The following MACF1 variants were observed in gnomAD, a reference collection of about 807,000 sequenced individuals.
The protein encoded by MACF1 is microtubule actin crosslinking factor 1.
MACF1 carries 193 observed loss-of-function variants against 854.8 expected under a neutral mutation model. That is an observed-to-expected ratio of 0.23 (90% confidence interval 0.20 to 0.25). MACF1 has a LOEUF of 0.25. Among genes scored for constraint, MACF1 ranks in the 10% least tolerant of loss-of-function variants. The pLI is 1.00. For synonymous variants in MACF1, 3,185 were observed against 3,226.7 expected (o/e 0.99, Z 0.44); for missense variants, 7,722 against 8,929.1 (o/e 0.86, Z 5.45).
In MACF1 at chr1:39,328,210, A is replaced by G. The variant is rs554226345; in HGVS notation, c.4614+857A>G. Among the ~76,000 whole-genome samples, 17 of 152,342 alleles carry G rather than the reference A, an allele frequency of 1.1e-4. No homozygotes were observed. The East Asian group carries it at 1.7e-3, about 16-fold the overall frequency. ...TAAAAACCACAAGACAAAACCAGCT[A>G]TGATTTGATGGTGTATTTCCAAAAA... On this transcript the variant is annotated intron_variant, in intron 36 of 100. Transcript: ENST00000564288.
intron 26 of MACF1, among the ~76,000 whole-genome samples, chr1:39,312,828 A>G (rs1050640014): frequency 6.6e-6 from 1 of 152,174 alleles, no homozygotes; most frequent in Non-Finnish European, 1.5e-5. Flanking sequence ...GTCTCAAGCA[A>G]ACAAACAAAC....
chr1:39,351,169 G>A, intron 43 of MACF1, 151 bp downstream of exon 43: 1 of 589,478 alleles, frequency 1.7e-6, no homozygotes, highest in Non-Finnish European at 2.9e-6. Flanking sequence ...TTTGTTTTTT[G>A]AGACGGAATC....
chr1:39,472,668 C>G (rs1009412042), intron 97 of MACF1, among the ~76,000 whole-genome samples: 2 of 152,126 alleles, frequency 1.3e-5, no homozygotes, highest in African/African-American at 2.4e-5. Flanking sequence ...CTAATATTAG[C>G]TAGGCATGGC....
intron 58 of MACF1, among the ~76,000 whole-genome samples, chr1:39,406,860 A>C (rs951246104): frequency 6.6e-6 from 1 of 151,992 alleles, no homozygotes; most frequent in East Asian, 1.9e-4. Context: ...GTCTGTTATG[A>C]TATCTGAACA....
chr1:39,232,153 T>C (rs989099922), intron 2 of MACF1, among the ~76,000 whole-genome samples: 2 of 149,110 alleles, frequency 1.3e-5, no homozygotes, highest in Non-Finnish European at 3.0e-5. Flanking sequence ...TATTATGGTA[T>C]TATTATTTTA....
chr1:39,292,704 C>A, intron 16 of MACF1, 62 bp from the exon 17 acceptor site: 2 of 1,188,450 alleles, frequency 1.7e-6, no homozygotes, highest in Non-Finnish European at 2.4e-6. Context: ...TAGTTGCAAC[C>A]ATAACACGTA....
intron 18 of MACF1, 106 bp from the exon 19 acceptor site, chr1:39,294,940 T>A (rs1645869629): frequency 1.3e-6 from 1 of 762,498 alleles, no homozygotes; most frequent in Non-Finnish European, 2.2e-6. Flanking sequence ...TTGCCACCAA[T>A]TCTATATTGT....
chr1:39,470,144 C>G (rs1644749046), intron 97 of MACF1, among the ~76,000 whole-genome samples: 2 of 152,166 alleles, frequency 1.3e-5, no homozygotes, highest in Non-Finnish European at 1.5e-5. Context: ...ATAAACCTAG[C>G]AGAAATGTTT....
intron 2 of MACF1, among the ~76,000 whole-genome samples, chr1:39,154,665 A>G (rs1643647590): frequency 6.6e-6 from 1 of 152,032 alleles, no homozygotes; most frequent in Admixed American, 6.5e-5. Flanking sequence ...GCCCTGTTTC[A>G]GGAGCAGTAT....
intron 6 of MACF1, among the ~76,000 whole-genome samples, chr1:39,278,352 A>G (rs1645477322): frequency 6.6e-6 from 1 of 152,216 alleles, no homozygotes; most frequent in African/African-American, 2.4e-5. Flanking sequence ...CCTAATCCAA[A>G]CAGGTATTTT....
intron 2 of MACF1, among the ~76,000 whole-genome samples, chr1:39,125,045 TGTC>T (rs1221155270): frequency 3.9e-5 from 6 of 152,250 alleles, no homozygotes; most frequent in African/African-American, 4.8e-5. Context: ...TCAAGTCACT[TGTC>T]GTCTTTGGGC....
intron 99 of MACF1, among the ~76,000 whole-genome samples, chr1:39,483,369 C>T (rs1356325892): frequency 6.6e-6 from 1 of 152,128 alleles, no homozygotes. Flanking sequence ...AGTAGTGAGA[C>T]AAGACCTCTC....
chr1:39,458,226 T>C (rs1462196894), intron 89 of MACF1, 144 bp from the exon 90 acceptor site: 6 of 674,846 alleles, frequency 8.9e-6, no homozygotes, highest in Non-Finnish European at 2.5e-6. Flanking sequence ...ACTACATCCC[T>C]CAGTAACTCA....
intron 15 of MACF1, among the ~76,000 whole-genome samples, chr1:39,290,599 T>G (rs1645756467): frequency 2.2e-3 from 1 of 452 alleles, no homozygotes; most frequent in African/African-American, 3.3e-3. Context: ...GTAAATCTGT[T>G]TTTTTTTTTT....
intron 58 of MACF1, chr1:39,414,025 C>T: frequency 6.2e-7 from 1 of 1,604,726 alleles, no homozygotes; most frequent in Non-Finnish European, 8.5e-7. Context: ...CCTAGAGGAA[C>T]CCACCTCCTC....
Position 39,452,198 on chromosome 1 carries a change from G to A in MACF1, c.20461G>A (p.Val6821Ile). The change falls in exon 86 of 101, where the codon GTC becomes ATC. Residue 6821 changes from valine (V) to isoleucine (I), a missense_variant. Physicochemically the swap from Val to Ile is conservative, Grantham distance 29 (BLOSUM62 3). This residue lies in a region of MACF1 where 729 missense variants were observed against 900.5 expected (regional missense o/e 0.81). Coordinates refer to ENST00000564288, the MANE Select transcript of MACF1 (RefSeq NM_001394062.1). ...GGGAAAGCGAACAGGAACCGTTCAGGTCCTGAAGCGGTCAGGCCGAGAGCT... is the reference window on the plus strand; with the variant it reads ...GGGAAAGCGAACAGGAACCGTTCAGATCCTGAAGCGGTCAGGCCGAGAGCT... Reference protein sequence around the residue: ...ELGKRTGTVQVLKRSGRELIE... With the variant: ...ELGKRTGTVQILKRSGRELIE... 3 of 1,613,992 alleles carry A rather than the reference G, an allele frequency of 1.9e-6. No individual in the cohort carries two copies. Among genetic ancestry groups the A allele is most frequent in the Middle Eastern group, 1.7e-4 (1 of 6,058 alleles).
At chr1:39,183,361 C>T (rs1319343736) in intron 2 of MACF1, among the ~76,000 whole-genome samples, 1 of 152,128 alleles carries the variant, frequency 6.6e-6, no homozygotes, top group Non-Finnish European at 1.5e-5. Context: ...TTAACCAAAT[C>T]TCAGTGAAGC....
chr1:39,185,664 T>A (rs560986650), intron 2 of MACF1, among the ~76,000 whole-genome samples: 1 of 152,338 alleles, frequency 6.6e-6, no homozygotes, highest in South Asian at 2.1e-4. Context: ...TCATGAGTTT[T>A]GTTTTTAGAC....
intron 2 of MACF1, among the ~76,000 whole-genome samples, chr1:39,194,346 CTTTTCTTTTTTT>C (rs1644293161): frequency 2.9e-5 from 1 of 35,024 alleles, no homozygotes. Context: ...CTTTTCTTTT[CTTTTCTTTTTTT>C]TTTTTTTTTT....
Sources: gnomAD v4.1 joint callset for allele counts (sites outside exome capture counted in the v4.1 genomes callset) on GRCh38, gnomAD v4.1.1 for gene constraint, gnomAD v4.1.1 regional missense constraint, MANE v1.5 for transcripts, NCBI Gene and HGNC (gene_info 2026-07-23, HGNC 2026-07-21) for gene names.